HYAL4: variants seen among roughly 807,000 people sequenced by gnomAD.
The protein encoded by HYAL4 is hyaluronidase-4.
HYAL4 carries 37 observed loss-of-function variants against 35.2 expected under a neutral mutation model. That is an observed-to-expected ratio of 1.05 (90% CI 0.81 to 1.38). HYAL4 has a LOEUF of 1.38. Ranked by LOEUF, HYAL4 falls within the 40% of genes most tolerant of loss-of-function variation. The pLI is 0.00. For missense variants in HYAL4, 572 were observed against 572.4 expected, an observed-to-expected ratio of 1.00 and a Z score of 0.01; for synonymous variants, 198 against 203.2, an observed-to-expected ratio of 0.97 and a Z score of 0.22.
At chr7:123,786,878 C>T in the HYAL4 span, among the ~76,000 whole-genome samples, 1 of 151,854 alleles carries the variant, frequency 6.6e-6, no homozygotes, top group Non-Finnish European at 1.5e-5. Flanking sequence ...GAAGCTGAGG[C>T]GGGCAGATAA....
rs199754847 is a variant in HYAL4 at position 123,868,659 on chromosome 7, T to C, written c.386T>C (p.Ile129Thr). Residue 129 changes from isoleucine (I) to threonine (T), a missense_variant, in exon 3 of 5, where the codon ATT becomes ACT. By Grantham distance (89) the Ile-to-Thr change is moderately conservative (BLOSUM62 -1). Transcript: ENST00000223026. ...CATCTGGAAAAAGCTGACCAAGATA[T>C]TAATTATTACATCCCTGCTGAAGAT... is the stretch of plus-strand genomic sequence containing the variant. ...QVHLEKADQD[I>T]NYYIPAEDFS... 5.0e-6 allele frequency: 8 copies of C among 1,613,752 alleles called. No homozygotes were observed. The highest frequency in any genetic ancestry group is 4.2e-6 in the Non-Finnish European group (5 of 1,179,954).
chr7:123,789,703 C>T, the HYAL4 span, among the ~76,000 whole-genome samples: 2 of 152,112 alleles, frequency 1.3e-5, no homozygotes, highest in South Asian at 2.1e-4. Context: ...GCTGTTAGCT[C>T]AGCTATTGGA....
At chr7:123,769,821 GAAAA>G in the HYAL4 span, among the ~76,000 whole-genome samples, 1 of 118,722 alleles carries the variant, frequency 8.4e-6, no homozygotes, top group East Asian at 2.6e-4. Flanking sequence ...AAAGAGACTT[GAAAA>G]AAAAAAAAAA....
At chr7:123,782,934 G>A in the HYAL4 span, among the ~76,000 whole-genome samples, 1 of 151,714 alleles carries the variant, frequency 6.6e-6, no homozygotes. Context: ...TCAATGCCAG[G>A]TTTTTAACTA....
the HYAL4 span, among the ~76,000 whole-genome samples, chr7:123,806,654 G>A: frequency 2.0e-5 from 3 of 150,480 alleles, no homozygotes; most frequent in African/African-American, 4.9e-5. Flanking sequence ...ATTTCTCCAT[G>A]TTGGTCAGGC....
At chr7:123,857,029 C>G (rs906193760) in intron 2 of HYAL4, among the ~76,000 whole-genome samples, 1 of 152,094 alleles carries the variant, frequency 6.6e-6, no homozygotes, top group African/African-American at 2.4e-5. Context: ...GGTGGACGCC[C>G]CTCCCTCACC....
chr7:123,797,844 A>T, the HYAL4 span, among the ~76,000 whole-genome samples: 2 of 152,208 alleles, frequency 1.3e-5, no homozygotes, highest in East Asian at 3.8e-4. Flanking sequence ...CTCTTTATCA[A>T]TGTTTTCTAA....
chr7:123,788,793 T>C, the HYAL4 span, among the ~76,000 whole-genome samples: 1 of 152,224 alleles, frequency 6.6e-6, no homozygotes, highest in Non-Finnish European at 1.5e-5. Context: ...TACTGTGCAG[T>C]TATCAGTGTA....
At chr7:123,798,938 A>G in the HYAL4 span, among the ~76,000 whole-genome samples, 1 of 152,186 alleles carries the variant, frequency 6.6e-6, no homozygotes, top group African/African-American at 2.4e-5. Flanking sequence ...TGATCAGATT[A>G]GATAGAGCCT....
the HYAL4 span, among the ~76,000 whole-genome samples, chr7:123,775,016 G>T: frequency 2.6e-5 from 4 of 152,258 alleles, no homozygotes; most frequent in East Asian, 7.7e-4. Context: ...GGAAAATATC[G>T]TTTCCACTCT....
At chr7:123,862,556 A>G (rs984166901) in intron 2 of HYAL4, among the ~76,000 whole-genome samples, 1 of 152,212 alleles carries the variant, frequency 6.6e-6, no homozygotes, top group Non-Finnish European at 1.5e-5. Context: ...GTTAAAAAAC[A>G]TCGCACTGGG....
At chr7:123,779,736 CT>C in the HYAL4 span, among the ~76,000 whole-genome samples, 1 of 151,990 alleles carries the variant, frequency 6.6e-6, no homozygotes, top group East Asian at 1.9e-4. Context: ...GCTTAATTTT[CT>C]CAGATGTTAT....
At position 123,868,696 on chromosome 7, in the gene HYAL4, T is replaced by C. The variant is rs1047067533; in HGVS notation, c.423T>C (p.Leu141=). 31 of 1,613,642 alleles carry C rather than the reference T, an allele frequency of 1.9e-5. No individual in the cohort carries two copies. The highest frequency in any genetic ancestry group is 2.4e-5 in the Non-Finnish European group (28 of 1,179,966). The part of the protein sequence containing the change: ...YYIPAEDFSG[L]AVIDWEYWRP... Reference sequence around the variant, plus strand: ...TCCCTGCTGAAGATTTCAGTGGACTTGCTGTTATAGATTGGGAATATTGGC... The same window carrying C: ...TCCCTGCTGAAGATTTCAGTGGACTCGCTGTTATAGATTGGGAATATTGGC... The change falls in exon 3 of 5, where the codon CTT becomes CTC. Residue 141 remains leucine (L), a synonymous_variant. Coordinates refer to ENST00000223026, the MANE Select transcript of HYAL4 (RefSeq NM_012269.3).
At chr7:123,858,862 A>G (rs1301794038) in intron 2 of HYAL4, among the ~76,000 whole-genome samples, 2 of 152,230 alleles carry the variant, frequency 1.3e-5, no homozygotes, top group African/African-American at 4.8e-5. Context: ...GTAAGATTTT[A>G]ACCTGCACTC....
rs1807045817 is a variant in HYAL4 at position 123,877,023 on chromosome 7, T to A, written c.1314T>A (p.Tyr438Ter). The change falls in exon 5 of 5, where the codon TAT (tyrosine) becomes TAA (stop). Residue 438 changes from tyrosine to a stop codon, truncating the protein, a stop_gained. Coordinates refer to ENST00000223026, the MANE Select transcript of HYAL4 (RefSeq NM_012269.3). LOFTEE classifies it low-confidence loss of function (END_TRUNC). ...CAGATACATTTTCCTGTCATTGTTA[T>A]CAGGGATATGAAGGAGCTGATTGCA... is the stretch of plus-strand genomic sequence containing the variant. ...VMADTFSCHCYQGYEGADCRE... is the reference protein window; with the variant it reads ...VMADTFSCHC 1.2e-6 allele frequency: 2 copies of A among 1,614,124 alleles called. No homozygotes were observed.
chr7:123,775,655 T>C, the HYAL4 span, among the ~76,000 whole-genome samples: 1 of 152,190 alleles, frequency 6.6e-6, no homozygotes, highest in South Asian at 2.1e-4. Flanking sequence ...GATGTAGCCT[T>C]CTTCATTCTA....
chr7:123,800,503 A>C, the HYAL4 span, among the ~76,000 whole-genome samples: 1 of 151,068 alleles, frequency 6.6e-6, no homozygotes, highest in African/African-American at 2.4e-5. Context: ...AAATTAAAAA[A>C]AAAGAAGTTT....
At chr7:123,776,405 G>A in the HYAL4 span, among the ~76,000 whole-genome samples, 1 of 152,090 alleles carries the variant, frequency 6.6e-6, no homozygotes, top group African/African-American at 2.4e-5. Context: ...GGTGAAAGCT[G>A]CAGGTGTGTG....
the HYAL4 span, among the ~76,000 whole-genome samples, chr7:123,782,675 C>T: frequency 5.9e-5 from 9 of 151,930 alleles, no homozygotes. Context: ...CATGGTTCAC[C>T]TTTCATAAGA....
Sources: gnomAD v4.1 joint callset for allele counts (sites outside exome capture counted in the v4.1 genomes callset) on GRCh38, gnomAD v4.1.1 for gene constraint, MANE v1.5 for transcripts, NCBI Gene and HGNC (gene_info 2026-07-23, HGNC 2026-07-21) for gene names.